KIF21A: variants seen among roughly 807,000 people sequenced by gnomAD.
KIF21A encodes kinesin family member 21A.
Under a neutral mutation model 202.9 loss-of-function variants are expected in KIF21A, and 114 were observed. That is an observed-to-expected ratio of 0.56 (90% CI 0.48 to 0.66). The LOEUF (loss-of-function observed/expected upper bound fraction) is 0.66. Ranked by LOEUF, KIF21A falls within the 30% of genes least tolerant of loss-of-function variation. KIF21A has a pLI of 0.00. For synonymous variants in KIF21A, 667 were observed against 670.8 expected (o/e 0.99, Z 0.09); for missense variants, 1,677 against 1,994.9 (o/e 0.84, Z 3.04).
intron 22 of KIF21A, 53 bp from the exon 23 acceptor site, chr12:39,330,964 C>A: frequency 4.5e-6 from 7 of 1,571,304 alleles, no homozygotes; most frequent in Non-Finnish European, 5.3e-6. Context: ...ATCTACCACA[C>A]AAAGATCTGT....
intron 1 of KIF21A, among the ~76,000 whole-genome samples, chr12:39,405,264 A>C (rs1024832651): frequency 6.6e-6 from 1 of 152,138 alleles, no homozygotes; most frequent in African/African-American, 2.4e-5. Flanking sequence ...AGGCAGGAGA[A>C]TCTCTTGGAC....
chr12:39,418,521 G>A (rs111759739), intron 1 of KIF21A, among the ~76,000 whole-genome samples: 28 of 152,076 alleles, frequency 1.8e-4, no homozygotes, highest in Non-Finnish European at 2.8e-4. Flanking sequence ...TACTTTACCC[G>A]GGCACATAAA....
intron 1 of KIF21A, among the ~76,000 whole-genome samples, chr12:39,386,185 T>A (rs907822275): frequency 6.6e-6 from 1 of 152,196 alleles, no homozygotes; most frequent in Non-Finnish European, 1.5e-5. Flanking sequence ...TGGTCATGTG[T>A]CCAACTTCCG....
At chr12:39,302,846 G>C (rs568368978) in intron 36 of KIF21A, 119 bp downstream of exon 36, 10 of 889,290 alleles carry the variant, frequency 1.1e-5, no homozygotes, top group Admixed American at 1.8e-5. Context: ...TAAGAAAAAG[G>C]CCTGATTAAT....
At chr12:39,431,775 A>C (rs750878586) in intron 1 of KIF21A, among the ~76,000 whole-genome samples, 5 of 152,242 alleles carry the variant, frequency 3.3e-5, no homozygotes, top group African/African-American at 7.2e-5. Flanking sequence ...TCTGCTACAG[A>C]GGCAACAGAA....
At chr12:39,354,481 A>G (rs1592296591) in intron 10 of KIF21A, among the ~76,000 whole-genome samples, 1 of 152,290 alleles carries the variant, frequency 6.6e-6, no homozygotes, top group East Asian at 1.9e-4. Context: ...TATATTTTCA[A>G]AATGTTCTGC....
chr12:39,357,754 G>A lies in KIF21A; in HGVS notation c.1216-317C>T, dbSNP rs576300129. On this transcript the variant is annotated intron_variant, in intron 8 of 37. Coordinates refer to ENST00000361418, the MANE Select transcript of KIF21A (RefSeq NM_001173464.2). ...GTGAAACCCCATCTCTACTAAAAAT[G>A]CAAAAATCAGCCAGGTGTGGTGGCG... Among the ~76,000 whole-genome samples, 3 of 150,698 alleles carry A rather than the reference G, an allele frequency of 2.0e-5. No individual in the cohort carries two copies. In the South Asian group the frequency reaches 6.3e-4, roughly 32 times the overall value.
chr12:39,314,147 T>C (rs1307728053), intron 31 of KIF21A, among the ~76,000 whole-genome samples: 1 of 151,794 alleles, frequency 6.6e-6, no homozygotes, highest in Non-Finnish European at 1.5e-5. Flanking sequence ...AAACATTTAT[T>C]TTTAGAGTCT....
intron 35 of KIF21A, among the ~76,000 whole-genome samples, chr12:39,304,559 A>G (rs966123840): frequency 1.3e-5 from 2 of 152,236 alleles, no homozygotes; most frequent in Admixed American, 6.5e-5. Flanking sequence ...GATCATGACA[A>G]TAAGACTCAT....
In KIF21A at chr12:39,370,270, A is replaced by C; in HGVS notation, c.45-9T>G. 6.3e-7 allele frequency: 1 copy of C among 1,588,076 alleles called. No individual in the cohort carries two copies. Among genetic ancestry groups the C allele is most frequent in the South Asian group, 1.1e-5 (1 of 88,780 alleles). ...CAAGCTGTGGTCTTATTCTGTGAGA[A>C]ATAATCAGAAAAGAAAAAAATAAAA... On this transcript the variant is annotated splice_polypyrimidine_tract_variant and intron_variant, in intron 1 of 37. Coordinates refer to ENST00000361418, the MANE Select transcript of KIF21A (RefSeq NM_001173464.2).
chr12:39,301,646 C>T lies in KIF21A; in HGVS notation c.4765G>A (p.Ala1589Thr). The part of the protein sequence containing the change: ...VPNAHKDWVC[A>T]LGVVPDHPVL... Reference sequence around the variant, plus strand: ...GGGTGGTCTGGCACCACTCCCAGGGCACAGACCCAATCCTTATGTGCATTT... The same window carrying T: ...GGGTGGTCTGGCACCACTCCCAGGGTACAGACCCAATCCTTATGTGCATTT... Residue 1589 changes from alanine (A) to threonine (T), a missense_variant, in exon 37 of 38, where the codon GCC (alanine) becomes ACC (threonine). Ala to Thr is a moderately conservative substitution (Grantham distance 58). Coordinates refer to ENST00000361418, the MANE Select transcript of KIF21A (RefSeq NM_001173464.2). 6.2e-7 allele frequency: 1 copy of T among 1,614,028 alleles called. No homozygotes were observed. The highest frequency in any genetic ancestry group is 1.1e-5 in the South Asian group (1 of 91,080).
Position 39,294,474 on chromosome 12 carries a change from C to A in KIF21A, c.4975G>T (p.Gly1659Cys). Residue 1659 changes from glycine (G) to cysteine (C), a missense_variant, in exon 38 of 38, where the codon GGT becomes TGT. Gly to Cys is a radical substitution (Grantham distance 159, BLOSUM62 -3). Around this residue, in one of 3 missense-constraint regions of KIF21A, gnomAD observed 705 missense variants for 791.9 expected, o/e 0.89. Transcript: ENST00000361418. ...AGATCTCCTGTGTCAGAGATCTGAC[C>A]ATCTTGCAAATTGCGAGCCTTCCAA... is the stretch of plus-strand genomic sequence containing the variant. Reference protein sequence around the residue: ...RIWKARNLQDGQISDTGDLGE... With the variant: ...RIWKARNLQDCQISDTGDLGE... 1.2e-6 allele frequency: 2 copies of A among 1,613,920 alleles called. No homozygotes were observed. Among genetic ancestry groups the A allele is most frequent in the South Asian group, 2.2e-5 (2 of 91,066 alleles).
At chr12:39,387,968 A>G (rs1951068031) in intron 1 of KIF21A, among the ~76,000 whole-genome samples, 1 of 152,152 alleles carries the variant, frequency 6.6e-6, no homozygotes, top group African/African-American at 2.4e-5. Flanking sequence ...AACGTGTGAC[A>G]TGAGTTCTGA....
chr12:39,366,246 G>A, intron 6 of KIF21A, 104 bp downstream of exon 6: 1 of 980,594 alleles, frequency 1.0e-6, no homozygotes, highest in Non-Finnish European at 1.6e-6. Flanking sequence ...TTCATTTCTT[G>A]GTTCAGTATC....
chr12:39,398,097 G>C (rs548687891), intron 1 of KIF21A, among the ~76,000 whole-genome samples: 81 of 152,238 alleles, frequency 5.3e-4, no homozygotes, highest in African/African-American at 1.5e-3. Flanking sequence ...CAAAGTAATT[G>C]ACACATTCTT....
At chr12:39,310,626 C>T (rs1237630954) in intron 32 of KIF21A, among the ~76,000 whole-genome samples, 3 of 152,104 alleles carry the variant, frequency 2.0e-5, no homozygotes, top group East Asian at 3.9e-4. Context: ...CATGTCTCTG[C>T]TTATGTTATT....
At chr12:39,417,905 C>A (rs1953907940) in intron 1 of KIF21A, among the ~76,000 whole-genome samples, 1 of 152,044 alleles carries the variant, frequency 6.6e-6, no homozygotes, top group Admixed American at 6.6e-5. Flanking sequence ...CTAATTCTGT[C>A]ATTTAAATAA....
intron 7 of KIF21A, among the ~76,000 whole-genome samples, chr12:39,361,461 T>C (rs2138967340): frequency 6.6e-6 from 1 of 151,460 alleles, no homozygotes; most frequent in South Asian, 2.1e-4. Flanking sequence ...ATGCTAATAG[T>C]ACATAAAAGG....
chr12:39,377,066 CTCA>C (rs756036253), intron 1 of KIF21A, among the ~76,000 whole-genome samples: 32 of 152,076 alleles, frequency 2.1e-4, no homozygotes, highest in Non-Finnish European at 3.2e-4. Context: ...TTATTCTGAT[CTCA>C]TCCCCACAAG....
Sources: gnomAD v4.1 joint callset for allele counts (sites outside exome capture counted in the v4.1 genomes callset) on GRCh38, gnomAD v4.1.1 for gene constraint, gnomAD v4.1.1 regional missense constraint, MANE v1.5 for transcripts, NCBI Gene and HGNC (gene_info 2026-07-23, HGNC 2026-07-21) for gene names.